The following SPINK5 variants were observed in gnomAD, a reference collection of about 807,000 sequenced individuals.
SPINK5 encodes serine protease inhibitor Kazal-type 5.
Under a neutral mutation model 151.8 loss-of-function variants are expected in SPINK5, and 125 were observed. That is an observed-to-expected ratio of 0.82 (90% CI 0.71 to 0.96). SPINK5 has a LOEUF of 0.96. Ranked by LOEUF, SPINK5 falls within the 40% of genes least tolerant of loss-of-function variation. The pLI, the probability that SPINK5 is intolerant of heterozygous loss-of-function variation, is 0.00. For synonymous variants in SPINK5, 374 were observed against 395.3 expected (o/e 0.95, Z 0.64); for missense variants, 1,194 against 1,291.9 (o/e 0.92, Z 1.16).
chr5:148,089,332 A>G, intron 6 of SPINK5, 162 bp from the exon 7 acceptor site: 1 of 884,720 alleles, frequency 1.1e-6, no homozygotes. Context: ...ATATTTAACC[A>G]CATGAATTAT....
chr5:148,100,381 A>G (rs1000977908), intron 12 of SPINK5, 73 bp from the exon 13 acceptor site: 40 of 1,475,234 alleles, frequency 2.7e-5, no homozygotes, highest in African/African-American at 2.3e-4. Context: ...GTTTCTGCCA[A>G]TGTAGATGTT....
At chr5:148,132,666 TAC>T (rs369144262) in intron 31 of SPINK5, among the ~76,000 whole-genome samples, 105 of 152,280 alleles carry the variant, frequency 6.9e-4, no homozygotes, top group East Asian at 6.6e-3. Context: ...TGGATCTAAA[TAC>T]AGTTTTCTTT....
chr5:148,067,929 A>T (rs1297526755), intron 2 of SPINK5, among the ~76,000 whole-genome samples: 1 of 152,126 alleles, frequency 6.6e-6, no homozygotes, highest in East Asian at 1.9e-4. Context: ...CTACTCTTTT[A>T]TGATAAGCTT....
intron 32 of SPINK5, 135 bp from the exon 33 acceptor site, chr5:148,136,848 A>G: frequency 8.5e-7 from 1 of 1,178,978 alleles, no homozygotes; most frequent in Non-Finnish European, 1.3e-6. Flanking sequence ...TGTGAAAGTG[A>G]TTTTAAATTG....
At chr5:148,124,988 G>T in intron 28 of SPINK5, 151 bp downstream of exon 28, 1 of 1,205,900 alleles carries the variant, frequency 8.3e-7, no homozygotes, top group Non-Finnish European at 1.1e-6. Flanking sequence ...ATCATAACAA[G>T]ATTTTTGGGG....
In SPINK5 at chr5:148,081,689, C is replaced by A. The variant is rs190936221; in HGVS notation, c.283-4716C>A. Among the ~76,000 whole-genome samples, 2 of 151,478 alleles carry A rather than the reference C, an allele frequency of 1.3e-5. 1 individual carries two copies. Among genetic ancestry groups the A allele is most frequent in the South Asian group, 4.2e-4 (2 of 4,818 alleles). The stretch of plus-strand genomic sequence containing the variant: ...AAAATATTTTAAGACCAGATTCTGG[C>A]GATGGCTGTACAACTCTTTCCATTT... On this transcript the variant is annotated intron_variant, in intron 4 of 32. Transcript: ENST00000256084.
chr5:148,105,058 C>T, intron 16 of SPINK5, 58 bp downstream of exon 16: 1 of 1,528,198 alleles, frequency 6.5e-7, no homozygotes, highest in Non-Finnish European at 9.0e-7. Context: ...CTTTATAATT[C>T]TTTACTTATC....
At chr5:148,127,515 T>C (rs1263564878) in intron 30 of SPINK5, among the ~76,000 whole-genome samples, 2 of 152,112 alleles carry the variant, frequency 1.3e-5, no homozygotes, top group African/African-American at 4.8e-5. Flanking sequence ...CAGGTATAAA[T>C]TTCCGCCAAT....
intron 6 of SPINK5, 181 bp from the exon 7 acceptor site, chr5:148,089,310 TAAA>T: frequency 3.9e-6 from 3 of 767,310 alleles, no homozygotes; most frequent in East Asian, 5.7e-5. Context: ...AATAAACAAG[TAAA>T]AAAGTTTTAT....
intron 23 of SPINK5, 47 bp from the exon 24 acceptor site, chr5:148,118,939 G>C: frequency 1.3e-6 from 2 of 1,585,134 alleles, no homozygotes; most frequent in Non-Finnish European, 1.7e-6. Context: ...CATAATCCAG[G>C]GTCAATATTT....
Position 148,086,435 on chromosome 5 carries a change from A to C in SPINK5, c.313A>C (p.Arg105=). The part of the protein sequence containing the change: ...LNCDDFKKGE[R]DGDFICPDYY... Reference sequence around the variant, plus strand: ...TTGTGATGATTTTAAAAAAGGAGAAAGAGATGGGGATTTTATCTGTCCTGA... The same window carrying C: ...TTGTGATGATTTTAAAAAAGGAGAACGAGATGGGGATTTTATCTGTCCTGA... The change falls in exon 5 of 33, where the codon AGA becomes CGA. Residue 105 remains arginine (R), a synonymous_variant. Transcript: ENST00000256084. 1 of 1,611,650 alleles carries C rather than the reference A, an allele frequency of 6.2e-7. No individual in the cohort carries two copies. Among genetic ancestry groups the C allele is most frequent in the East Asian group, 2.2e-5 (1 of 44,750 alleles).
At chr5:148,114,270 CTTTT>C (rs56820817) in intron 20 of SPINK5, 88 bp from the exon 21 acceptor site, 3 of 1,266,048 alleles carry the variant, frequency 2.4e-6, no homozygotes, top group African/African-American at 1.6e-5. Context: ...TTTTCTCTCT[CTTTT>C]TTTTTTTTCT....
chr5:148,132,319 G>C (rs1326150488), intron 31 of SPINK5, among the ~76,000 whole-genome samples: 1 of 151,998 alleles, frequency 6.6e-6, no homozygotes, highest in African/African-American at 2.4e-5. Context: ...TCCTTCTTAG[G>C]ACACTATAAG....
At position 148,137,063 on chromosome 5, in the gene SPINK5, A is replaced by T; in HGVS notation, c.*72A>T. ...TGAATCACCTACCTTCACCATCTGT[A>T]TATACAAAGAATTCTTCGGAGCTTG... is the stretch of plus-strand genomic sequence containing the variant. On this transcript the variant is annotated 3_prime_UTR_variant, in exon 33 of 33. Transcript: ENST00000256084. 3.8e-6 allele frequency: 6 copies of T among 1,577,882 alleles called. No individual in the cohort carries two copies. Among genetic ancestry groups the T allele is most frequent in the South Asian group, 3.3e-5 (3 of 90,266 alleles).
Position 148,126,976 on chromosome 5 carries a change from T to G in SPINK5, c.2868-7T>G. ...TATTTTAAATTATTTTTTATTTTCT[T>G]CTCTAGTCTAACAGAAGCTTTGGAA... On this transcript the variant is annotated splice_region_variant and splice_polypyrimidine_tract_variant and intron_variant, in intron 29 of 32. Transcript: ENST00000256084. The G allele has an allele frequency of 6.2e-7, 1 of 1,602,892 alleles. No individual in the cohort carries two copies. The highest frequency in any genetic ancestry group is 8.5e-7 in the Non-Finnish European group (1 of 1,172,814).
intron 32 of SPINK5, among the ~76,000 whole-genome samples, chr5:148,136,012 A>G (rs1239845966): frequency 1.3e-5 from 2 of 152,058 alleles, no homozygotes; most frequent in Non-Finnish European, 2.9e-5. Context: ...TGTCTTTCCC[A>G]TTTTACAGAA....
chr5:148,078,410 A>C (rs573253364), intron 4 of SPINK5, among the ~76,000 whole-genome samples: 51 of 151,290 alleles, frequency 3.4e-4, no homozygotes, highest in Admixed American at 1.1e-3. Flanking sequence ...ACCAAATAGA[A>C]TACTTGAAGA....
At chr5:148,136,695 T>C (rs955496891) in intron 32 of SPINK5, among the ~76,000 whole-genome samples, 1 of 152,156 alleles carries the variant, frequency 6.6e-6, no homozygotes, top group African/African-American at 2.4e-5. Flanking sequence ...TGCAAAATGG[T>C]GCTAATGACA....
intron 2 of SPINK5, 27 bp downstream of exon 2, chr5:148,065,399 A>G (rs769124044): frequency 2.5e-6 from 4 of 1,612,832 alleles, no homozygotes; most frequent in Middle Eastern, 1.6e-4. Flanking sequence ...CTGTTCATTG[A>G]ATTCATTCCA....
Sources: allele counts gnomAD v4.1 joint callset (sites outside exome capture counted in the v4.1 genomes callset), GRCh38; gene constraint gnomAD v4.1.1; transcripts MANE v1.5; gene names NCBI Gene and HGNC (gene_info 2026-07-23, HGNC 2026-07-21).